The following TENM4 variants were observed in gnomAD, a reference collection of about 807,000 sequenced individuals.
TENM4 encodes teneurin transmembrane protein 4.
TENM4 carries 82 observed loss-of-function variants against 243.3 expected under a neutral mutation model. That is an observed-to-expected ratio of 0.34 (90% CI 0.28 to 0.40). The LOEUF is 0.40. Among genes scored for constraint, TENM4 ranks in the 10% least tolerant of loss-of-function variants. TENM4 has a pLI of 1.00. For missense variants in TENM4, 3,138 were observed against 3,673.3 expected (o/e 0.85, Z 3.77); for synonymous variants, 1,412 against 1,456.3 (o/e 0.97, Z 0.69).
chr11:79,175,391 G>C (rs1462103954), intron 3 of TENM4, among the ~76,000 whole-genome samples: 1 of 152,126 alleles, frequency 6.6e-6, no homozygotes, highest in Non-Finnish European at 1.5e-5. Flanking sequence ...TCAGTGCTGG[G>C]TACTCATTGT....
intron 2 of TENM4, among the ~76,000 whole-genome samples, chr11:79,262,507 CTG>C (rs1221197556): frequency 6.6e-6 from 1 of 152,248 alleles, no homozygotes; most frequent in Admixed American, 6.5e-5. Context: ...AATTTTATAA[CTG>C]TAAACTGCTC....
In TENM4 at chr11:79,440,260, C is replaced by A. The variant is rs570897575; in HGVS notation, c.-321+249G>T. The stretch of plus-strand genomic sequence containing the variant: ...CTCCCCCAACCCTTGCTCCCAGGCT[C>A]CAGTCCGCGGCGGGCTCCGGGGGCT... On this transcript the variant is annotated intron_variant, in intron 1 of 33. Coordinates refer to ENST00000278550, the MANE Select transcript of TENM4 (RefSeq NM_001098816.3). This position sits in a 1 kb window ranked among gnomAD's most constrained non-coding sequence, Gnocchi z 4.7. 6.6e-6 allele frequency among the ~76,000 whole-genome samples: 1 copy of A among 151,876 alleles called. No homozygotes were observed. The highest frequency in any genetic ancestry group is 1.5e-5 in the Non-Finnish European group (1 of 67,898).
rs545122216 is a variant in TENM4, at chr11:78,798,662, A to G, written c.2179+6630T>C. ...CCTGCCACCCACCCCTGCAGCTTCT[A>G]TCTCCAGCTGGACTGAGCCGCGACT... On this transcript the variant is annotated intron_variant, in intron 15 of 33. Transcript: ENST00000278550. Among the ~76,000 whole-genome samples the G allele has an allele frequency of 3.9e-5, 6 of 152,132 alleles. No individual in the cohort carries two copies. In the East Asian group the frequency reaches 1.2e-3, roughly 29 times the overall value.
At chr11:79,143,794 C>A (rs72935319) in intron 4 of TENM4, among the ~76,000 whole-genome samples, 8,360 of 151,678 alleles carry the variant, frequency 0.055, 335 homozygotes, top group Non-Finnish European at 0.078. Context: ...GTAAAAACAT[C>A]AATCAAAGTG....
chr11:79,341,312 G>A (rs867379061), intron 1 of TENM4, among the ~76,000 whole-genome samples: 4 of 152,190 alleles, frequency 2.6e-5, no homozygotes, highest in African/African-American at 9.7e-5. Context: ...CCTCCTCTGG[G>A]ATCCCTTGCA....
intron 3 of TENM4, among the ~76,000 whole-genome samples, chr11:79,215,597 G>A (rs2135226024): frequency 6.6e-6 from 1 of 152,236 alleles, no homozygotes; most frequent in African/African-American, 2.4e-5. Context: ...TTGGTTTCCA[G>A]CAACCGTTGC....
At chr11:78,733,607 C>T (rs1167345448) in intron 20 of TENM4, among the ~76,000 whole-genome samples, 1 of 152,206 alleles carries the variant, frequency 6.6e-6, no homozygotes, top group Non-Finnish European at 1.5e-5. Flanking sequence ...TAGCAAGGCA[C>T]GTTCCCATCC....
At chr11:78,757,662 C>T (rs1359041878) in intron 18 of TENM4, among the ~76,000 whole-genome samples, 1 of 152,208 alleles carries the variant, frequency 6.6e-6, no homozygotes, top group Non-Finnish European at 1.5e-5. Context: ...TATTGAGAGA[C>T]ATTTAGGAGG....
At chr11:78,911,522 A>G (rs1358167987) in intron 6 of TENM4, among the ~76,000 whole-genome samples, 3 of 152,156 alleles carry the variant, frequency 2.0e-5, no homozygotes, top group African/African-American at 4.8e-5. Flanking sequence ...CCTTCTTGCT[A>G]TTGTTTGGAT....
chr11:78,790,593 T>G (rs1375091862), intron 15 of TENM4, among the ~76,000 whole-genome samples: 1 of 152,252 alleles, frequency 6.6e-6, no homozygotes, highest in Admixed American at 6.5e-5. Flanking sequence ...GAGGCCCAGA[T>G]AGTATGAGAA....
chr11:78,786,702 TAAG>T (rs1463571089), intron 16 of TENM4, among the ~76,000 whole-genome samples, 193 bp downstream of exon 16: 10 of 152,216 alleles, frequency 6.6e-5, no homozygotes, highest in Non-Finnish European at 1.3e-4. Flanking sequence ...TTGGGAGTAA[TAAG>T]GTTGAAAATA....
chr11:78,776,894 G>C (rs541339907), intron 17 of TENM4, among the ~76,000 whole-genome samples: 1 of 152,040 alleles, frequency 6.6e-6, no homozygotes, highest in Non-Finnish European at 1.5e-5. Flanking sequence ...GTGACTTATG[G>C]TGACAGAAGA....
At chr11:79,215,667 T>C (rs1485203741) in intron 3 of TENM4, 141 bp downstream of exon 3, 25 of 730,640 alleles carry the variant, frequency 3.4e-5, no homozygotes, top group Non-Finnish European at 4.2e-5. Context: ...TGGCCAGAAC[T>C]CCTCTACTTT....
intron 15 of TENM4, among the ~76,000 whole-genome samples, chr11:78,803,591 G>T (rs1857327885): frequency 6.6e-6 from 1 of 152,190 alleles, no homozygotes; most frequent in Non-Finnish European, 1.5e-5. Flanking sequence ...GTATAGCCAG[G>T]ACTGAGGAAA....
intron 1 of TENM4, among the ~76,000 whole-genome samples, chr11:79,323,550 T>G (rs7127350): frequency 0.2 from 30,371 of 152,136 alleles, 3,279 homozygotes; most frequent in East Asian, 0.34. Flanking sequence ...ATTTTGTGAG[T>G]CAACTTGATT....
At chr11:79,287,957 C>G (rs926066530) in intron 2 of TENM4, among the ~76,000 whole-genome samples, 3 of 152,110 alleles carry the variant, frequency 2.0e-5, no homozygotes, top group African/African-American at 7.2e-5. Flanking sequence ...AGCTGAATAT[C>G]TGGTACAGAA....
chr11:79,066,952 G>A (rs1860276337), intron 5 of TENM4, among the ~76,000 whole-genome samples: 1 of 152,202 alleles, frequency 6.6e-6, no homozygotes, highest in Non-Finnish European at 1.5e-5. Context: ...TTGATGCCAG[G>A]TTACAGTCAT....
At chr11:79,439,582 C>T (rs980320992) in intron 1 of TENM4, among the ~76,000 whole-genome samples, 4 of 151,766 alleles carry the variant, frequency 2.6e-5, no homozygotes, top group Non-Finnish European at 5.9e-5. Flanking sequence ...CCGACCCCCC[C>T]GCCAAGAAGG....
intron 3 of TENM4, among the ~76,000 whole-genome samples, chr11:79,156,271 T>G (rs1401993894): frequency 6.6e-6 from 1 of 152,216 alleles, no homozygotes; most frequent in Non-Finnish European, 1.5e-5. Flanking sequence ...CCTGCCCAAG[T>G]TGGCAGCCCA....
Sources: gnomAD v4.1 joint callset for allele counts (sites outside exome capture counted in the v4.1 genomes callset) on GRCh38, gnomAD v4.1.1 for gene constraint, Gnocchi (gnomAD v3.1) non-coding constraint, MANE v1.5 for transcripts, NCBI Gene and HGNC (gene_info 2026-07-23, HGNC 2026-07-21) for gene names.